The following IRAK2 variants were observed in gnomAD, a reference collection of about 807,000 sequenced individuals.
IRAK2 encodes interleukin-1 receptor-associated kinase-like 2.
IRAK2 carries 57 observed loss-of-function variants against 72.0 expected under a neutral mutation model. The ratio of observed to expected loss-of-function variants is 0.79; its 90% CI spans 0.64 to 0.99. The LOEUF (loss-of-function observed/expected upper bound fraction) is 0.99. Among genes scored for constraint, IRAK2 ranks in the 50% least tolerant of loss-of-function variants. The pLI is 0.00. For missense variants in IRAK2, 790 were observed against 794.4 expected (o/e 0.99, Z 0.07); for synonymous variants, 293 against 312.7 (o/e 0.94, Z 0.67).
At chr3:10,168,369 CCTGA>C (rs1032729353) in intron 1 of IRAK2, among the ~76,000 whole-genome samples, 170 of 152,070 alleles carry the variant, frequency 1.1e-3, no homozygotes, top group African/African-American at 3.9e-3. Flanking sequence ...CACCACCGTG[CCTGA>C]CTAATTTTTG....
At chr3:10,178,279 G>A (rs1351834439) in intron 2 of IRAK2, among the ~76,000 whole-genome samples, 1 of 152,046 alleles carries the variant, frequency 6.6e-6, no homozygotes, top group East Asian at 1.9e-4. Flanking sequence ...CTAACATGGT[G>A]AAAACCCGTC....
chr3:10,225,059 T>C (rs566288460), intron 9 of IRAK2, among the ~76,000 whole-genome samples: 46 of 152,000 alleles, frequency 3.0e-4, no homozygotes, highest in Non-Finnish European at 5.9e-4. Flanking sequence ...CCCTTTTCAA[T>C]TGGCTCCTGT....
rs138826031 is a variant in IRAK2 at position 10,178,024 on chromosome 3, A to G, written c.277+4A>G. On this transcript the variant is annotated splice_donor_region_variant and intron_variant, in intron 2 of 12. Coordinates refer to ENST00000256458, the MANE Select transcript of IRAK2 (RefSeq NM_001570.4). ...GCTGCCCAGATCATCCTGAACTGTG[A>G]GTAACTCAGGGCCCTCCTTGAGTGG... 68 of 1,599,158 alleles carry G rather than the reference A, an allele frequency of 4.3e-5. 1 individual carries two copies. The Middle Eastern group carries it at 7.5e-4, about 18-fold the overall frequency.
intron 12 of IRAK2, 141 bp from the exon 13 acceptor site, chr3:10,241,975 T>TAA (rs1390125099): frequency 9.1e-5 from 33 of 360,994 alleles, no homozygotes; most frequent in Admixed American, 2.5e-4. Context: ...CCTGTCTCGA[T>TAA]AAAAAAAAAA....
intron 10 of IRAK2, among the ~76,000 whole-genome samples, chr3:10,226,918 C>T (rs1697787134): frequency 7.0e-6 from 1 of 142,748 alleles, no homozygotes; most frequent in African/African-American, 2.7e-5. Context: ...TGCACTCCAG[C>T]CTGGGTGACA....
At position 10,242,243 on chromosome 3, in the gene IRAK2, C is replaced by G. The variant is rs753536805; in HGVS notation, c.*15C>G. On this transcript the variant is annotated 3_prime_UTR_variant, in exon 13 of 13. Coordinates refer to ENST00000256458, the MANE Select transcript of IRAK2 (RefSeq NM_001570.4). ...TTGGCCCCTGATGACCGGAACACAG[C>G]TGAGGACCCTTGTCCTCAGTTGGAA... The G allele has an allele frequency of 3.4e-6, 5 of 1,455,404 alleles. No individual in the cohort carries two copies. In the Admixed American group the frequency reaches 5.3e-5, roughly 16 times the overall value. 90.2% of individuals were successfully genotyped at this position (1,455,404 alleles called of 1,614,324 possible). A position where few individuals can be genotyped will look rare whatever the true frequency, so the allele number is the denominator to read the frequency against.
chr3:10,223,481 A>C (rs1697726836), intron 9 of IRAK2, among the ~76,000 whole-genome samples: 1 of 152,242 alleles, frequency 6.6e-6, no homozygotes. Context: ...GTAGAACTCC[A>C]GTTCCTTCGG....
At chr3:10,240,537 G>C (rs1418899976) in intron 12 of IRAK2, among the ~76,000 whole-genome samples, 14 of 9,134 alleles carry the variant, frequency 1.5e-3, no homozygotes, top group Non-Finnish European at 1.9e-3. Context: ...AAATTAGGAA[G>C]CCCCCCCCCC....
chr3:10,218,394 A>G (rs1697637077), intron 7 of IRAK2, among the ~76,000 whole-genome samples: 1 of 146,210 alleles, frequency 6.8e-6, no homozygotes, highest in Non-Finnish European at 1.5e-5. Context: ...ACTGCACTCC[A>G]GCCTGGGCGA....
intron 1 of IRAK2, 81 bp downstream of exon 1, chr3:10,165,129 C>T (rs1410048542): frequency 2.4e-5 from 30 of 1,237,524 alleles, no homozygotes; most frequent in Non-Finnish European, 3.5e-5. Flanking sequence ...GCCAAGCTCC[C>T]TCGGGCACCC....
At chr3:10,191,617 C>T (rs1021724562) in intron 2 of IRAK2, among the ~76,000 whole-genome samples, 2 of 152,090 alleles carry the variant, frequency 1.3e-5, no homozygotes, top group African/African-American at 4.8e-5. Flanking sequence ...TGTTCCCTCT[C>T]CTTGGAATGC....
At chr3:10,195,243 C>G (rs994153643) in intron 2 of IRAK2, among the ~76,000 whole-genome samples, 1 of 152,190 alleles carries the variant, frequency 6.6e-6, no homozygotes, top group African/African-American at 2.4e-5. Flanking sequence ...AAGATTTGTG[C>G]TGAACAAAAC....
In IRAK2 at chr3:10,239,030, C is replaced by T. The variant is rs1698012058; in HGVS notation, c.1756C>T (p.Pro586Ser). The T allele has an allele frequency of 1.3e-6, 2 of 1,592,766 alleles. No individual in the cohort carries two copies. The highest frequency in any genetic ancestry group is 1.7e-6 in the Non-Finnish European group (2 of 1,168,910). ...SSEACVGLEPPQDVTETSWQI... is the reference protein window; with the variant it reads ...SSEACVGLEPSQDVTETSWQI... ...TGAGGCCTGTGTTGGCCTGGAGCCT[C>T]CCCAGGATGGTAAGCCGGAAGTCAG... The change falls in exon 12 of 13, where the codon CCC (proline) becomes TCC (serine). Residue 586 changes from proline to serine, a missense_variant. Pro to Ser is a moderately conservative substitution (Grantham distance 74). Transcript: ENST00000256458.
At chr3:10,198,340 C>A (rs900179243) in intron 2 of IRAK2, among the ~76,000 whole-genome samples, 2 of 152,272 alleles carry the variant, frequency 1.3e-5, no homozygotes, top group Admixed American at 6.5e-5. Context: ...GTCTCCCCAA[C>A]TCCTCCCACC....
rs1396785135 is a variant in IRAK2, at chr3:10,218,433, A to AC, written c.904-1247_904-1246insC. Among the ~76,000 whole-genome samples the AC allele has an allele frequency of 1.6e-3, 214 of 132,282 alleles. 5 individuals carry two copies. The South Asian group carries it at 0.046, about 28-fold the overall frequency. 86.8% of individuals were successfully genotyped at this position (132,282 alleles called of 152,430 possible). ...AGTGAGACTCCGTCTCAAAAAAAAA[A>AC]AAAAAAAAAAAACCAAAACGGTGAT... On this transcript the variant is annotated intron_variant, in intron 7 of 12. Coordinates refer to ENST00000256458, the MANE Select transcript of IRAK2 (RefSeq NM_001570.4).
intron 3 of IRAK2, among the ~76,000 whole-genome samples, chr3:10,208,078 G>A (rs891470982): frequency 2.6e-5 from 4 of 151,730 alleles, no homozygotes; most frequent in Admixed American, 2.0e-4. Flanking sequence ...AGACTAATGA[G>A]GCCGTCTGGT....
rs78945083 is a variant in IRAK2 at position 10,196,618 on chromosome 3, G to A, written c.278-3751G>A. Among the ~76,000 whole-genome samples the A allele has an allele frequency of 9.6e-3, 1,463 of 152,334 alleles. 42 individuals are homozygous for A. The East Asian group carries it at 0.14, about 15-fold the overall frequency. On this transcript the variant is annotated intron_variant, in intron 2 of 12. Transcript: ENST00000256458. ...ATAGAACCACTGAAGTGCCCGTGGA[G>A]CCCAGGTTGGGAGAGAAGTGCATGT...
intron 10 of IRAK2, among the ~76,000 whole-genome samples, chr3:10,234,250 C>T (rs1697912668): frequency 6.6e-6 from 1 of 152,132 alleles, no homozygotes; most frequent in African/African-American, 2.4e-5. Flanking sequence ...GGCATGAGTT[C>T]ACTATGGAGT....
At chr3:10,208,604 A>G (rs1697467271) in intron 3 of IRAK2, among the ~76,000 whole-genome samples, 1 of 151,890 alleles carries the variant, frequency 6.6e-6, no homozygotes, top group African/African-American at 2.4e-5. Flanking sequence ...TCTACTAAAA[A>G]TACAAAAAAT....
Sources: gnomAD v4.1 joint callset for allele counts (sites outside exome capture counted in the v4.1 genomes callset) on GRCh38, gnomAD v4.1.1 for gene constraint, MANE v1.5 for transcripts, NCBI Gene and HGNC (gene_info 2026-07-23, HGNC 2026-07-21) for gene names.